The following CD86 variants were observed in gnomAD, a reference collection of about 807,000 sequenced individuals.
CD86 encodes CD86 molecule, also known as T-lymphocyte activation antigen CD86.
Under a neutral mutation model 32.1 loss-of-function variants are expected in CD86, and 11 were observed. That is an observed-to-expected ratio of 0.34 (90% CI 0.22 to 0.57). CD86 has a LOEUF of 0.57. Among genes scored for constraint, CD86 ranks in the 20% least tolerant of loss-of-function variants. The pLI is 0.86. For synonymous variants in CD86, 137 were observed against 135.3 expected, an observed-to-expected ratio of 1.01 and a Z score of -0.09; for missense variants, 359 against 398.4, an observed-to-expected ratio of 0.90 and a Z score of 0.84.
chr3:122,103,131 G>A (rs2073036366), intron 2 of CD86, among the ~76,000 whole-genome samples: 1 of 151,780 alleles, frequency 6.6e-6, no homozygotes. Flanking sequence ...CTAAAATTAA[G>A]GTTATAGGAA....
In CD86 at chr3:122,109,270, G is replaced by A. The variant is rs943417518; in HGVS notation, c.709G>A (p.Glu237Lys). 6.2e-7 allele frequency: 1 copy of A among 1,613,086 alleles called. No individual in the cohort carries two copies. Among genetic ancestry groups the A allele is most frequent in the Non-Finnish European group, 8.5e-7 (1 of 1,179,616 alleles). Reference sequence around the variant, plus strand: ...AAATTTGTGGTCATTTGTAGAGCTTGAGGACCCTCAGCCTCCCCCAGACCA... The same window carrying A: ...AAATTTGTGGTCATTTGTAGAGCTTAAGGACCCTCAGCCTCCCCCAGACCA... ...LLSSPFSIELEDPQPPPDHIP... is the reference protein window; with the variant it reads ...LLSSPFSIELKDPQPPPDHIP... Residue 237 changes from glutamate to lysine, a missense_variant, in exon 5 of 7, where the codon GAG (glutamate) becomes AAG (lysine). Coordinates refer to ENST00000330540, the MANE Select transcript of CD86 (RefSeq NM_175862.5).
intron 1 of CD86, among the ~76,000 whole-genome samples, chr3:122,066,554 C>T (rs1180448593): frequency 1.3e-5 from 2 of 152,168 alleles, no homozygotes; most frequent in Admixed American, 6.5e-5. Context: ...GGCCAAAACC[C>T]TCTGAAAGGC....
chr3:122,107,213 G>A (rs2073106186), intron 4 of CD86, among the ~76,000 whole-genome samples: 1 of 152,152 alleles, frequency 6.6e-6, no homozygotes, highest in South Asian at 2.1e-4. Flanking sequence ...TAAATTATTG[G>A]GGTTAATAAA....
Position 122,106,498 on chromosome 3 carries a change from T to C in CD86, c.701T>C (p.Ile234Thr), listed in dbSNP as rs1436608849. The change falls in exon 4 of 7, where the codon ATA becomes ACA. Residue 234 changes from isoleucine to threonine, a missense_variant and splice_region_variant. Ile to Thr is a moderately conservative substitution (Grantham distance 89, BLOSUM62 -1). Coordinates refer to ENST00000330540, the MANE Select transcript of CD86 (RefSeq NM_175862.5). ...KTRLLSSPFSIELEDPQPPPD... is the reference protein window; with the variant it reads ...KTRLLSSPFSTELEDPQPPPD... ...CGGCTTTTATCTTCACCTTTCTCTATAGGTAAAGCTGTTTTCCAAGACTAT... is the reference window on the plus strand; with the variant it reads ...CGGCTTTTATCTTCACCTTTCTCTACAGGTAAAGCTGTTTTCCAAGACTAT... The C allele has an allele frequency of 6.9e-6, 11 of 1,595,074 alleles. No homozygotes were observed. In the East Asian group the frequency reaches 2.0e-4, roughly 29 times the overall value.
At chr3:122,076,495 G>A (rs2072557523) in intron 1 of CD86, among the ~76,000 whole-genome samples, 2 of 152,186 alleles carry the variant, frequency 1.3e-5, no homozygotes, top group Non-Finnish European at 2.9e-5. Context: ...ACCCCAGGTG[G>A]GATCTATCTG....
rs144435507 is a variant in CD86, at chr3:122,075,336, A to G, written c.15-16265A>G. 2.2e-3 allele frequency among the ~76,000 whole-genome samples: 337 copies of G among 152,250 alleles called. 2 individuals carry two copies. The highest frequency in any genetic ancestry group is 0.01 in the Middle Eastern group (3 of 294). On this transcript the variant is annotated intron_variant, in intron 1 of 6. Coordinates refer to ENST00000330540, the MANE Select transcript of CD86 (RefSeq NM_175862.5). The stretch of plus-strand genomic sequence containing the variant: ...GAGAACACTGTAGTATTTAGCTGAG[A>G]GGAGAGACTATTAATAAAATTTACA...
At chr3:122,064,119 C>A (rs1010000783) in intron 1 of CD86, among the ~76,000 whole-genome samples, 1 of 151,952 alleles carries the variant, frequency 6.6e-6, no homozygotes, top group Admixed American at 6.6e-5. Context: ...TGAGGCAGTG[C>A]ATAAACCATG....
In CD86 at chr3:122,097,796, G is replaced by A. The variant is rs540131569; in HGVS notation, c.65-5716G>A. 9.8e-4 allele frequency among the ~76,000 whole-genome samples: 149 copies of A among 152,176 alleles called. 1 individual carries two copies. Among genetic ancestry groups the A allele is most frequent in the Non-Finnish European group, 1.8e-3 (125 of 68,026 alleles). The stretch of plus-strand genomic sequence containing the variant: ...AGTGGAAAACAGTGTCTTCAAGGCA[G>A]GGAGTGGAAAAGTGCTAGGTACTGA... On this transcript the variant is annotated intron_variant, in intron 2 of 6. Transcript: ENST00000330540.
chr3:122,113,511 C>T (rs1463341404), intron 5 of CD86, among the ~76,000 whole-genome samples: 4 of 152,166 alleles, frequency 2.6e-5, no homozygotes, highest in Admixed American at 6.5e-5. Context: ...TCCATGCCAA[C>T]ATCTATTATT....
intron 1 of CD86, among the ~76,000 whole-genome samples, chr3:122,084,317 C>A (rs899926874): frequency 6.6e-6 from 1 of 152,198 alleles, no homozygotes; most frequent in African/African-American, 2.4e-5. Context: ...CAGTGCTGAT[C>A]TAGAGCAGGA....
At chr3:122,070,601 T>C (rs1429739115) in intron 1 of CD86, among the ~76,000 whole-genome samples, 7 of 152,198 alleles carry the variant, frequency 4.6e-5, no homozygotes, top group Admixed American at 1.3e-4. Context: ...TCTAAGAATG[T>C]TCCTTCAGAA....
intron 5 of CD86, 74 bp from the exon 6 acceptor site, chr3:122,117,974 A>G: frequency 8.0e-7 from 1 of 1,255,998 alleles, no homozygotes; most frequent in South Asian, 1.2e-5. Context: ...AGAACTTTGA[A>G]GCCTTTTCAA....
chr3:122,090,000 T>C (rs1319599069), intron 1 of CD86, among the ~76,000 whole-genome samples: 1 of 152,190 alleles, frequency 6.6e-6, no homozygotes. Context: ...TTTAGTTTTG[T>C]CTAAAGTAAC....
intron 3 of CD86, among the ~76,000 whole-genome samples, 168 bp from the exon 4 acceptor site, chr3:122,106,030 G>C (rs2073085955): frequency 6.6e-6 from 1 of 152,014 alleles, no homozygotes; most frequent in Non-Finnish European, 1.5e-5. Context: ...AAATAAACAT[G>C]AAGTCATTAT....
At position 122,091,527 on chromosome 3, in the gene CD86, G is replaced by A. The variant is rs557937753; in HGVS notation, c.15-74G>A. On this transcript the variant is annotated intron_variant, in intron 1 of 6. Transcript: ENST00000330540. Reference sequence around the variant, plus strand: ...AGTGAATCCCAAACTCCACGTCCAGGTCATGTTTTGGTGAACATCGGTTTT... The same window carrying A: ...AGTGAATCCCAAACTCCACGTCCAGATCATGTTTTGGTGAACATCGGTTTT... The A allele has an allele frequency of 2.8e-5, 33 of 1,189,070 alleles. No homozygotes were observed. In the South Asian group the frequency reaches 3.7e-4, roughly 13 times the overall value. The allele number at this position is 1,189,070 out of a possible 1,614,324, so 73.7% of individuals were successfully genotyped here.
chr3:122,101,150 GA>G lies in CD86; in HGVS notation c.65-2354del, dbSNP rs575246278. Among the ~76,000 whole-genome samples, 8 of 151,736 alleles carry G rather than the reference GA, an allele frequency of 5.3e-5. No homozygotes were observed. The East Asian group carries it at 7.7e-4, about 15-fold the overall frequency. On this transcript the variant is annotated intron_variant, in intron 2 of 6. Coordinates refer to ENST00000330540, the MANE Select transcript of CD86 (RefSeq NM_175862.5). Reference sequence around the variant, plus strand: ...GAGGGAGTCTGAGGAGGGATGGATGGAAAAAAAATTTTCATGTCATTTTCTG... The same window carrying G: ...GAGGGAGTCTGAGGAGGGATGGATGGAAAAAAATTTTCATGTCATTTTCTG...
intron 2 of CD86, among the ~76,000 whole-genome samples, chr3:122,096,446 ATTT>A: frequency 6.6e-6 from 1 of 152,106 alleles, no homozygotes; most frequent in East Asian, 1.9e-4. Flanking sequence ...ACTTATTTAA[ATTT>A]TTTTTGAGTA....
At chr3:122,105,447 A>G (rs549647429) in intron 3 of CD86, among the ~76,000 whole-genome samples, 18 of 152,332 alleles carry the variant, frequency 1.2e-4, no homozygotes, top group African/African-American at 4.3e-4. Flanking sequence ...CAAACTACCT[A>G]GTAACTATAA....
In CD86 at chr3:122,106,520, C is replaced by T; in HGVS notation, c.703+20C>T. 1 of 1,570,760 alleles carries T rather than the reference C, an allele frequency of 6.4e-7. No individual in the cohort carries two copies. The highest frequency in any genetic ancestry group is 8.7e-7 in the Non-Finnish European group (1 of 1,155,960). On this transcript the variant is annotated intron_variant, in intron 4 of 6. Transcript: ENST00000330540. ...CTATAGGTAAAGCTGTTTTCCAAGA[C>T]TATTTCTTTCAGCAGGTATTATACA...
Sources: allele counts gnomAD v4.1 joint callset (sites outside exome capture counted in the v4.1 genomes callset), GRCh38; gene constraint gnomAD v4.1.1; transcripts MANE v1.5; gene names NCBI Gene and HGNC (gene_info 2026-07-23, HGNC 2026-07-21).